Variants in USH1C observed in about 807,000 individuals in gnomAD.
USH1C encodes the protein USH1 protein network component harmonin.
A neutral mutation model predicts 119.3 loss-of-function variants in USH1C; 90 were observed. The ratio of observed to expected loss-of-function variants is 0.75; its 90% CI spans 0.64 to 0.90. USH1C has a LOEUF of 0.90. Ranked by LOEUF, USH1C falls within the 40% of genes least tolerant of loss-of-function variation. USH1C has a pLI of 0.00. For synonymous variants in USH1C, 465 were observed against 443.3 expected, an observed-to-expected ratio of 1.05 and a Z score of -0.62; for missense variants, 1,165 against 1,167.7, an observed-to-expected ratio of 1.00 and a Z score of 0.03.
chr11:17,500,169 G>C (rs905116978), intron 23 of USH1C, among the ~76,000 whole-genome samples: 3 of 152,204 alleles, frequency 2.0e-5, no homozygotes, highest in African/African-American at 2.4e-5. Flanking sequence ...GTAGATAAGG[G>C]GATAAAGAAC....
In USH1C at chr11:17,494,299, T is replaced by A; in HGVS notation, c.*33A>T. On this transcript the variant is annotated 3_prime_UTR_variant, in exon 27 of 27. Coordinates refer to ENST00000005226, the MANE Select transcript of USH1C (RefSeq NM_153676.4). ...CTCTCAAGGCTGATCCGAGGCTTTGTGTTCACGAGGTGGGGCCGGAGCTCA... is the reference window on the plus strand; with the variant it reads ...CTCTCAAGGCTGATCCGAGGCTTTGAGTTCACGAGGTGGGGCCGGAGCTCA... 1 of 1,603,710 alleles carries A rather than the reference T, an allele frequency of 6.2e-7. No individual in the cohort carries two copies. The highest frequency in any genetic ancestry group is 1.7e-5 in the Admixed American group (1 of 58,856).
Position 17,521,012 on chromosome 11 carries a change from T to G in USH1C, c.1086-18A>C. On this transcript the variant is annotated intron_variant, in intron 13 of 26. Coordinates refer to ENST00000005226, the MANE Select transcript of USH1C (RefSeq NM_153676.4). ...CTACAATCCTAAAATGAGACCCCCA[T>G]GCCTGTTACTGGAGTCAGAACCCCC... 1.2e-6 allele frequency: 2 copies of G among 1,613,874 alleles called. No homozygotes were observed. Among genetic ancestry groups the G allele is most frequent in the African/African-American group, 1.3e-5 (1 of 75,012 alleles).
intron 1 of USH1C, among the ~76,000 whole-genome samples, chr11:17,537,714 G>A (rs2237956): frequency 0.38 from 58,274 of 152,002 alleles, 11,625 homozygotes; most frequent in East Asian, 0.52. Context: ...TCTAGAGTCT[G>A]GAGCCTCCTC....
At chr11:17,495,493 C>A (rs1849211695) in intron 26 of USH1C, 76 bp downstream of exon 26, 2 of 1,469,928 alleles carry the variant, frequency 1.4e-6, no homozygotes, top group Non-Finnish European at 1.9e-6. Flanking sequence ...AAAGAACCTG[C>A]TGACAGCGTG....
chr11:17,495,503 G>A, intron 26 of USH1C, 66 bp downstream of exon 26: 2 of 1,487,786 alleles, frequency 1.3e-6, no homozygotes, highest in East Asian at 2.3e-5. Context: ...CTGACAGCGT[G>A]GGCAGCAGAT....
chr11:17,527,097 C>CCCCCCTGAGGAA, intron 5 of USH1C, 57 bp from the exon 6 acceptor site: 1 of 1,330,632 alleles, frequency 7.5e-7, no homozygotes, highest in South Asian at 1.5e-5. Context: ...TCCCTCCCAC[C>CCCCCCTGAGGAA]GTCATGGAGT....
In USH1C at chr11:17,509,644, C is replaced by G. The variant is rs538411041; in HGVS notation, c.1725G>C (p.Lys575Asn). ...PHPPPSNPPHKVPAPPVLPLS... is the reference protein window; with the variant it reads ...PHPPPSNPPHNVPAPPVLPLS... ...AGGGAAGGACAGGGGGCGCCGGGACCTTGTGGGGTGGGTTGGAGGGTGGAG... is the reference window on the plus strand; with the variant it reads ...AGGGAAGGACAGGGGGCGCCGGGACGTTGTGGGGTGGGTTGGAGGGTGGAG... The change falls in exon 18 of 27, where the codon AAG (lysine) becomes AAC (asparagine). Residue 575 changes from lysine (K) to asparagine (N), a missense_variant. Physicochemically the swap from Lys to Asn is moderately conservative, Grantham distance 94. Transcript: ENST00000005226. 1.3e-6 allele frequency: 2 copies of G among 1,492,684 alleles called. No individual in the cohort carries two copies. The highest frequency in any genetic ancestry group is 1.8e-6 in the Non-Finnish European group (2 of 1,127,382). The allele number at this position is 1,492,684 out of a possible 1,614,324, so 92.5% of individuals were successfully genotyped here.
At position 17,511,907 on chromosome 11, in the gene USH1C, G is replaced by C; in HGVS notation, c.1408C>G (p.Gln470Glu). 1.9e-6 allele frequency: 3 copies of C among 1,613,626 alleles called. No homozygotes were observed. Among genetic ancestry groups the C allele is most frequent in the Non-Finnish European group, 2.5e-6 (3 of 1,179,866 alleles). ...CCTGCAGGCAGGACACATACCTCCTGGGCCAGCCGGTTGATCTTTAGCTGC... is the reference window on the plus strand; with the variant it reads ...CCTGCAGGCAGGACACATACCTCCTCGGCCAGCCGGTTGATCTTTAGCTGC... ...EKQLKINRLA[Q>E]EVSETEREDL... is the part of the protein sequence containing the mutation. Residue 470 changes from glutamine to glutamate, a missense_variant, in exon 16 of 27, where the codon CAG (glutamine) becomes GAG (glutamate). Coordinates refer to ENST00000005226, the MANE Select transcript of USH1C (RefSeq NM_153676.4).
intron 1 of USH1C, chr11:17,533,951 C>T (rs11024319): frequency 5.7e-5 from 17 of 296,526 alleles, no homozygotes; most frequent in Non-Finnish European, 1.0e-4. Flanking sequence ...GCAGGGGGAG[C>T]GTCAGGTTAC....
chr11:17,507,687 T>C (rs140772374), intron 18 of USH1C, among the ~76,000 whole-genome samples: 2 of 152,226 alleles, frequency 1.3e-5, no homozygotes, highest in Non-Finnish European at 2.9e-5. Flanking sequence ...CAGGCTCAGA[T>C]AGATGAAGTA....
chr11:17,541,710 C>T (rs979968537), intron 1 of USH1C, among the ~76,000 whole-genome samples: 3 of 152,194 alleles, frequency 2.0e-5, no homozygotes, highest in South Asian at 2.1e-4. Flanking sequence ...GTGCTCCTGG[C>T]GGCCTTGGGG....
chr11:17,494,108 A>T lies in USH1C; in HGVS notation c.*224T>A. 1 of 594,744 alleles carries T rather than the reference A, an allele frequency of 1.7e-6. No homozygotes were observed. The highest frequency in any genetic ancestry group is 3.0e-6 in the Non-Finnish European group (1 of 330,796). The allele number at this position is 594,744 out of a possible 1,614,324, so 36.8% of individuals were successfully genotyped here. Reference sequence around the variant, plus strand: ...AGGAATGAGAGTCTGGATCCTTGAGATCTTCTCCCAAATGGCTGGCTGCTC... The same window carrying T: ...AGGAATGAGAGTCTGGATCCTTGAGTTCTTCTCCCAAATGGCTGGCTGCTC... On this transcript the variant is annotated 3_prime_UTR_variant, in exon 27 of 27. Transcript: ENST00000005226.
chr11:17,531,097 G>A lies in USH1C; in HGVS notation c.387+57C>T. 3 of 1,611,770 alleles carry A rather than the reference G, an allele frequency of 1.9e-6. No homozygotes were observed. Among genetic ancestry groups the A allele is most frequent in the Non-Finnish European group, 2.5e-6 (3 of 1,179,462 alleles). On this transcript the variant is annotated intron_variant, in intron 4 of 26. Transcript: ENST00000005226. The surrounding 1 kb of genome is among the most constrained non-coding windows in gnomAD (Gnocchi z 4.2). ...CCACACAGCCTAGTGGATGAATGAG[G>A]GGGAGGCAGGAGGTCCGAGGCCCTC...
At chr11:17,518,143 C>T (rs1850239874) in intron 14 of USH1C, among the ~76,000 whole-genome samples, 1 of 152,212 alleles carries the variant, frequency 6.6e-6, no homozygotes, top group African/African-American at 2.4e-5. Flanking sequence ...ATTTTAAAAG[C>T]TTAACAGAAC....
intron 23 of USH1C, among the ~76,000 whole-genome samples, chr11:17,498,999 C>T (rs890885596): frequency 2.6e-5 from 4 of 152,160 alleles, no homozygotes; most frequent in Non-Finnish European, 4.4e-5. Context: ...TAAGGTGCTC[C>T]TGAAAGAGTT....
At chr11:17,519,679 T>C (rs1339195836) in intron 14 of USH1C, among the ~76,000 whole-genome samples, 1 of 152,236 alleles carries the variant, frequency 6.6e-6, no homozygotes, top group Non-Finnish European at 1.5e-5. Context: ...CAACTGATAC[T>C]GAATGTCACG....
In USH1C at chr11:17,512,059, G is replaced by A. The variant is rs369670431; in HGVS notation, c.1261-5C>T. ...TTTCTTCTTATCTTTTCCTTTCTGA[G>A]TAGATGTGGCATTGTTTATATGACA... On this transcript the variant is annotated splice_region_variant and splice_polypyrimidine_tract_variant and intron_variant, in intron 15 of 26. Coordinates refer to ENST00000005226, the MANE Select transcript of USH1C (RefSeq NM_153676.4). The A allele has an allele frequency of 1.1e-5, 18 of 1,613,888 alleles. No homozygotes were observed. Among genetic ancestry groups the A allele is most frequent in the Non-Finnish European group, 1.4e-5 (17 of 1,179,998 alleles).
At chr11:17,517,300 C>A (rs1850194497) in intron 14 of USH1C, 7 of 1,230,728 alleles carry the variant, frequency 5.7e-6, no homozygotes, top group Non-Finnish European at 8.1e-6. Context: ...GGCCCCCACA[C>A]ATGCTGGGCC....
intron 1 of USH1C, among the ~76,000 whole-genome samples, chr11:17,534,209 ATAGAGAGGC>A (rs1287371522): frequency 1.3e-5 from 2 of 152,210 alleles, no homozygotes; most frequent in African/African-American, 4.8e-5. Context: ...TCAGCCCTTC[ATAGAGAGGC>A]TGCAGCTGGA....
Sources: gnomAD v4.1 joint callset for allele counts (sites outside exome capture counted in the v4.1 genomes callset) on GRCh38, gnomAD v4.1.1 for gene constraint, Gnocchi (gnomAD v3.1) non-coding constraint, MANE v1.5 for transcripts, NCBI Gene and HGNC (gene_info 2026-07-23, HGNC 2026-07-21) for gene names.